LRIG1: variants seen among roughly 807,000 people sequenced by gnomAD.
LRIG1 encodes the protein leucine-rich repeats and immunoglobulin-like domains protein 1.
LRIG1 carries 48 observed loss-of-function variants against 99.2 expected under a neutral mutation model. That is an observed-to-expected ratio of 0.48 (90% confidence interval 0.38 to 0.62). LRIG1 has a LOEUF of 0.62. Ranked by LOEUF, LRIG1 falls within the 20% of genes least tolerant of loss-of-function variation. The probability of loss-of-function intolerance (pLI) is 0.00; values close to 1 mark genes in which losing one functional copy is unlikely to be tolerated. For missense variants in LRIG1, 1,646 were observed against 1,434.4 expected, an observed-to-expected ratio of 1.15 and a Z score of -2.38; for synonymous variants, 772 against 596.1, an observed-to-expected ratio of 1.29 and a Z score of -4.30.
intron 1 of LRIG1, among the ~76,000 whole-genome samples, chr3:66,473,089 G>C (rs1237109839): frequency 1.3e-5 from 2 of 152,094 alleles, no homozygotes; most frequent in African/African-American, 4.8e-5. Context: ...GGCAATTTTA[G>C]GCAAATACCC....
chr3:66,470,150 A>G (rs934551702), intron 1 of LRIG1, among the ~76,000 whole-genome samples: 4 of 152,194 alleles, frequency 2.6e-5, no homozygotes, highest in African/African-American at 9.7e-5. Flanking sequence ...CCTAACAGAA[A>G]CAATCAACTA....
intron 3 of LRIG1, among the ~76,000 whole-genome samples, chr3:66,439,255 G>A (rs550706137): frequency 3.3e-5 from 5 of 152,330 alleles, no homozygotes; most frequent in South Asian, 4.1e-4. Context: ...CTCTCATTCC[G>A]ATTGAGAAGA....
intron 5 of LRIG1, among the ~76,000 whole-genome samples, chr3:66,413,343 C>T (rs1702528182): frequency 6.6e-6 from 1 of 152,224 alleles, no homozygotes; most frequent in Non-Finnish European, 1.5e-5. Flanking sequence ...CCATTTGTGA[C>T]TCTGCAGTGA....
rs982559664 is a variant in LRIG1, at chr3:66,480,193, GTAAC to G, written c.219-17688_219-17685del. Among the ~76,000 whole-genome samples the G allele has an allele frequency of 9.2e-5, 14 of 152,272 alleles. No homozygotes were observed. The East Asian group carries it at 2.5e-3, about 27-fold the overall frequency. On this transcript the variant is annotated intron_variant, in intron 1 of 18. Transcript: ENST00000273261. ...ACGAATCATGACAACACTGTGCTAAGTAACTAAGTAAAAGAAAGGGCCATATATT... is the reference window on the plus strand; with the variant it reads ...ACGAATCATGACAACACTGTGCTAAGTAAGTAAAAGAAAGGGCCATATATT...
At position 66,437,371 on chromosome 3, in the gene LRIG1, C is replaced by A. The variant is rs190693143; in HGVS notation, c.365+14188G>T. ...CCAGGACTCAAACCCCAATAATGAG[C>A]CCTGGGGGCAAGCCCTGTCCACCTC... On this transcript the variant is annotated intron_variant, in intron 3 of 18. Coordinates refer to ENST00000273261, the MANE Select transcript of LRIG1 (RefSeq NM_015541.3). Among the ~76,000 whole-genome samples, 424 of 152,338 alleles carry A rather than the reference C, an allele frequency of 2.8e-3. 1 individual carries two copies. The highest frequency in any genetic ancestry group is 4.8e-3 in the Non-Finnish European group (328 of 68,034).
chr3:66,495,201 G>A (rs947356609), intron 1 of LRIG1, among the ~76,000 whole-genome samples: 18 of 152,142 alleles, frequency 1.2e-4, no homozygotes, highest in Admixed American at 1.3e-4. Context: ...TAACAGTAAC[G>A]GTCCCTAAAT....
chr3:66,403,906 G>C (rs1353315973), intron 9 of LRIG1, among the ~76,000 whole-genome samples: 1 of 152,180 alleles, frequency 6.6e-6, no homozygotes, highest in Non-Finnish European at 1.5e-5. Flanking sequence ...CCACATCCCA[G>C]GCCTGGAGCT....
At chr3:66,438,505 A>G (rs935412704) in intron 3 of LRIG1, among the ~76,000 whole-genome samples, 4 of 152,162 alleles carry the variant, frequency 2.6e-5, no homozygotes, top group Admixed American at 2.0e-4. Flanking sequence ...GTGTTTTGTG[A>G]AACGTCCTAT....
intron 7 of LRIG1, among the ~76,000 whole-genome samples, chr3:66,409,466 G>C (rs1036103451): frequency 2.6e-5 from 4 of 152,198 alleles, no homozygotes; most frequent in Non-Finnish European, 5.9e-5. Flanking sequence ...TCAGTTCTCA[G>C]TCTCAACCTG....
chr3:66,398,626 G>C (rs561793489), intron 10 of LRIG1, among the ~76,000 whole-genome samples: 38 of 152,326 alleles, frequency 2.5e-4, no homozygotes, highest in African/African-American at 8.7e-4. Context: ...GAGGCAACAG[G>C]CTTGGCCAGG....
Position 66,500,652 on chromosome 3 carries a change from G to C in LRIG1, c.-245C>G, listed in dbSNP as rs9831355. On this transcript the variant is annotated 5_prime_UTR_variant, in exon 1 of 19. Coordinates refer to ENST00000273261, the MANE Select transcript of LRIG1 (RefSeq NM_015541.3). ...CCCATCCGGGCCGGCCGGCCCGCCC[G>C]CGCTAGCTGCGAACTCCGCCGATTC... The C allele has an allele frequency of 1.5e-4, 42 of 288,674 alleles. No individual in the cohort carries two copies. The East Asian group carries it at 1.7e-3, about 11-fold the overall frequency. 17.9% of individuals were successfully genotyped at this position (288,674 alleles called of 1,614,324 possible). A position where few individuals can be genotyped will look rare whatever the true frequency, so the allele number is the denominator to read the frequency against.
intron 9 of LRIG1, among the ~76,000 whole-genome samples, chr3:66,402,644 T>C (rs568516182): frequency 1.3e-5 from 2 of 152,296 alleles, no homozygotes; most frequent in South Asian, 4.1e-4. Context: ...CACAAGCTCC[T>C]TGAGCTCTCC....
chr3:66,413,470 G>A (rs922253916), intron 5 of LRIG1, among the ~76,000 whole-genome samples: 3 of 152,202 alleles, frequency 2.0e-5, no homozygotes, highest in Admixed American at 6.5e-5. Context: ...TGTATCAAAT[G>A]GCAATAACAC....
At chr3:66,471,733 A>G (rs987858523) in intron 1 of LRIG1, among the ~76,000 whole-genome samples, 1 of 152,244 alleles carries the variant, frequency 6.6e-6, no homozygotes, top group African/African-American at 2.4e-5. Flanking sequence ...GTCAGGCAAA[A>G]GGGACAGGAA....
chr3:66,398,834 A>G, intron 10 of LRIG1, 136 bp downstream of exon 10: 1 of 705,678 alleles, frequency 1.4e-6, no homozygotes. Context: ...AAGCTGACAT[A>G]ATGAGAAGGA....
chr3:66,419,049 G>C (rs1224102406), intron 3 of LRIG1, among the ~76,000 whole-genome samples: 2 of 152,144 alleles, frequency 1.3e-5, no homozygotes, highest in African/African-American at 2.4e-5. Flanking sequence ...GGGAAGAAAA[G>C]AAACAAGAAA....
intron 1 of LRIG1, among the ~76,000 whole-genome samples, chr3:66,483,885 G>C (rs1700907743): frequency 6.6e-6 from 1 of 152,244 alleles, no homozygotes; most frequent in African/African-American, 2.4e-5. Flanking sequence ...CAATCCAGCA[G>C]GGACGAGGCG....
intron 1 of LRIG1, 133 bp from the exon 2 acceptor site, chr3:66,462,642 C>T: frequency 1.5e-6 from 1 of 674,948 alleles, no homozygotes; most frequent in Non-Finnish European, 2.7e-6. Context: ...TATTAAGTAA[C>T]CGTATTGATA....
intron 7 of LRIG1, among the ~76,000 whole-genome samples, chr3:66,408,691 C>A (rs935888741): frequency 1.3e-5 from 2 of 152,140 alleles, no homozygotes; most frequent in Non-Finnish European, 2.9e-5. Flanking sequence ...CCGGCCCTGA[C>A]CAACAAAACC....
Sources: gnomAD v4.1 joint callset for allele counts (sites outside exome capture counted in the v4.1 genomes callset) on GRCh38, gnomAD v4.1.1 for gene constraint, MANE v1.5 for transcripts, NCBI Gene and HGNC (gene_info 2026-07-23, HGNC 2026-07-21) for gene names.